ZNF18: variants seen among roughly 807,000 people sequenced by gnomAD.
ZNF18 encodes heart development-specific gene 1 protein.
Under a neutral mutation model 58.1 loss-of-function variants are expected in ZNF18, and 42 were observed. The ratio of observed to expected loss-of-function variants is 0.72; its 90% CI spans 0.56 to 0.93. The LOEUF (loss-of-function observed/expected upper bound fraction) is 0.93, where lower values mean the gene tolerates loss of function less well. ZNF18 is among the 40% of genes least tolerant of loss of function. The probability of loss-of-function intolerance (pLI) is 0.00; values close to 1 mark genes in which losing one functional copy is unlikely to be tolerated. For synonymous variants in ZNF18, 231 were observed against 239.8 expected (o/e 0.96, Z 0.34); for missense variants, 540 against 644.2 (o/e 0.84, Z 1.75).
chr17:11,982,668 G>A (rs1480609572), intron 6 of ZNF18, among the ~76,000 whole-genome samples: 1 of 139,568 alleles, frequency 7.2e-6, no homozygotes, highest in African/African-American at 3.1e-5. Context: ...GTGTGTGTGT[G>A]TGTGTGTGTG....
At chr17:11,994,774 GA>G (rs373176556) in intron 1 of ZNF18, among the ~76,000 whole-genome samples, 43 of 152,182 alleles carry the variant, frequency 2.8e-4, no homozygotes, top group African/African-American at 9.9e-4. Context: ...CTGGGAGGCA[GA>G]GCTTGCAGTG....
chr17:12,013,230 G>A, the ZNF18 span, among the ~76,000 whole-genome samples: 1 of 152,184 alleles, frequency 6.6e-6, no homozygotes, highest in Non-Finnish European at 1.5e-5. Context: ...GATTACAGGC[G>A]TGAGCCACTG....
intron 1 of ZNF18, among the ~76,000 whole-genome samples, chr17:11,995,287 T>C (rs1041263315): frequency 2.7e-5 from 4 of 150,356 alleles, no homozygotes; most frequent in South Asian, 2.1e-4. Context: ...TGAATGCCTG[T>C]AATCCCAGCT....
chr17:12,020,387 C>G, the ZNF18 span, among the ~76,000 whole-genome samples: 1 of 152,114 alleles, frequency 6.6e-6, no homozygotes, highest in Non-Finnish European at 1.5e-5. Flanking sequence ...GGGTATTGGG[C>G]TTAAGAGGAG....
intron 4 of ZNF18, 73 bp from the exon 5 acceptor site, chr17:11,984,270 T>C: frequency 1.4e-6 from 2 of 1,427,826 alleles, no homozygotes; most frequent in East Asian, 2.4e-5. Context: ...CTTCCCTGCC[T>C]AAAGGAAAGC....
chr17:11,999,674 C>G (rs943836876), upstream of ZNF18, among the ~76,000 whole-genome samples: 2 of 152,142 alleles, frequency 1.3e-5, no homozygotes, highest in African/African-American at 2.4e-5. Context: ...AAAGTCCCAG[C>G]CCTCCCAAGA....
chr17:11,983,204 G>A, intron 6 of ZNF18, 93 bp downstream of exon 6: 1 of 859,718 alleles, frequency 1.2e-6, no homozygotes, highest in Non-Finnish European at 1.9e-6. Context: ...AGAATATTCT[G>A]CCTCCCCTGA....
chr17:12,001,839 A>T (rs981586058), upstream of ZNF18, among the ~76,000 whole-genome samples: 1 of 152,072 alleles, frequency 6.6e-6, no homozygotes, highest in Non-Finnish European at 1.5e-5. Flanking sequence ...CTAAAAATAA[A>T]TTTTTAAAAA....
chr17:11,989,930 A>G (rs1967995231), intron 4 of ZNF18, among the ~76,000 whole-genome samples: 1 of 152,212 alleles, frequency 6.6e-6, no homozygotes, highest in Admixed American at 6.5e-5. Flanking sequence ...AAGACTTCAA[A>G]AACAGAAAAA....
chr17:11,989,103 G>T (rs992471567), intron 4 of ZNF18, among the ~76,000 whole-genome samples: 2 of 151,378 alleles, frequency 1.3e-5, no homozygotes, highest in Admixed American at 6.6e-5. Context: ...AGGTTGTAGT[G>T]AGCTGAGATC....
intron 6 of ZNF18, among the ~76,000 whole-genome samples, chr17:11,982,290 C>T (rs910165746): frequency 6.6e-6 from 1 of 152,230 alleles, no homozygotes; most frequent in Non-Finnish European, 1.5e-5. Flanking sequence ...TACATGCACA[C>T]ATATTTTAAA....
chr17:11,986,312 G>A (rs1227428065), intron 4 of ZNF18, among the ~76,000 whole-genome samples: 1 of 152,120 alleles, frequency 6.6e-6, no homozygotes, highest in Admixed American at 6.5e-5. Context: ...CTTTATCAGC[G>A]GTGTGAAAAC....
the ZNF18 span, chr17:12,021,194 C>G: frequency 5.9e-6 from 2 of 340,406 alleles, no homozygotes; most frequent in Non-Finnish European, 1.0e-5. Context: ...GGCTCCGGCC[C>G]GCATAGGCCC....
chr17:12,021,383 G>A, the ZNF18 span: 2 of 153,584 alleles, frequency 1.3e-5, no homozygotes, highest in African/African-American at 2.4e-5. Flanking sequence ...GGCGGAGCGG[G>A]AGGGGCGTCG....
the ZNF18 span, among the ~76,000 whole-genome samples, chr17:12,005,052 G>A: frequency 1.1e-4 from 16 of 150,496 alleles, no homozygotes; most frequent in Non-Finnish European, 2.1e-4. Context: ...GTTTAAATAC[G>A]TGTGTATATA....
At chr17:11,983,666 G>GT (rs1447337839) in intron 5 of ZNF18, among the ~76,000 whole-genome samples, 1 of 152,156 alleles carries the variant, frequency 6.6e-6, no homozygotes, top group East Asian at 1.9e-4. Flanking sequence ...GCAGGCTGGT[G>GT]TGAGAATCAT....
intron 6 of ZNF18, among the ~76,000 whole-genome samples, chr17:11,982,171 C>T (rs1967406094): frequency 6.6e-6 from 1 of 152,158 alleles, no homozygotes; most frequent in Admixed American, 6.5e-5. Context: ...TTCCCAACCT[C>T]CAGAAATGTG....
At chr17:12,007,094 T>C in the ZNF18 span, among the ~76,000 whole-genome samples, 1 of 152,132 alleles carries the variant, frequency 6.6e-6, no homozygotes, top group African/African-American at 2.4e-5. Context: ...CTGAGCTTAA[T>C]CTCTGTTCTG....
chr17:11,990,414 A>G (rs368285226), intron 4 of ZNF18, 48 bp downstream of exon 4: 72 of 1,515,652 alleles, frequency 4.8e-5, no homozygotes, highest in Non-Finnish European at 6.2e-5. Flanking sequence ...GGATGAGATT[A>G]TAAAAGGTAA....
Sources: gnomAD v4.1 joint callset for allele counts (sites outside exome capture counted in the v4.1 genomes callset) on GRCh38, gnomAD v4.1.1 for gene constraint, MANE v1.5 for transcripts, NCBI Gene and HGNC (gene_info 2026-07-23, HGNC 2026-07-21) for gene names.